Variants in CSMD1 observed in about 807,000 individuals in gnomAD.
CSMD1 encodes the protein CUB and Sushi multiple domains 1.
Under a neutral mutation model 417.5 loss-of-function variants are expected in CSMD1, and 213 were observed. The ratio of observed to expected loss-of-function variants is 0.51; its 90% CI spans 0.46 to 0.57. CSMD1 has a LOEUF of 0.57. Among genes scored for constraint, CSMD1 ranks in the 20% least tolerant of loss-of-function variants. The probability of loss-of-function intolerance (pLI) is 0.00; values close to 1 mark genes in which losing one functional copy is unlikely to be tolerated. For synonymous variants in CSMD1, 2,862 were observed against 1,736.8 expected, an observed-to-expected ratio of 1.65 and a Z score of -16.11; for missense variants, 6,923 against 4,529.7, an observed-to-expected ratio of 1.53 and a Z score of -15.17.
At chr8:3,089,253 G>A (rs1482322025) in intron 48 of CSMD1, among the ~76,000 whole-genome samples, 2 of 152,252 alleles carry the variant, frequency 1.3e-5, no homozygotes, top group African/African-American at 2.4e-5. Context: ...CCAGGTGAGA[G>A]AAGACTGGGA....
At chr8:4,760,290 T>C (rs867818923) in intron 1 of CSMD1, among the ~76,000 whole-genome samples, 3 of 152,356 alleles carry the variant, frequency 2.0e-5, no homozygotes, top group South Asian at 2.1e-4. Flanking sequence ...CTTTGGCATG[T>C]GAAGATAATT....
At chr8:3,995,751 C>A (rs1158754129) in intron 5 of CSMD1, among the ~76,000 whole-genome samples, 1 of 152,198 alleles carries the variant, frequency 6.6e-6, no homozygotes, top group Admixed American at 6.5e-5. Flanking sequence ...CAATATAAGT[C>A]ATCCCAAGAA....
intron 5 of CSMD1, among the ~76,000 whole-genome samples, chr8:3,954,287 T>TGC (rs1811781816): frequency 6.6e-6 from 1 of 152,094 alleles, no homozygotes; most frequent in African/African-American, 2.4e-5. Context: ...GAAAGGAAGG[T>TGC]GCGCTTGGGA....
intron 5 of CSMD1, among the ~76,000 whole-genome samples, chr8:3,877,771 G>A (rs748441189): frequency 9.2e-5 from 14 of 152,128 alleles, no homozygotes; most frequent in Non-Finnish European, 1.3e-4. Flanking sequence ...TAAATCTAGC[G>A]TTAGCATGGC....
At chr8:4,399,008 G>A (rs1007887854) in intron 3 of CSMD1, among the ~76,000 whole-genome samples, 1 of 152,160 alleles carries the variant, frequency 6.6e-6, no homozygotes, top group Admixed American at 6.5e-5. Flanking sequence ...CACCTAATAT[G>A]TACACAGCTT....
At chr8:3,104,991 C>G (rs1585360399) in intron 46 of CSMD1, among the ~76,000 whole-genome samples, 1 of 152,334 alleles carries the variant, frequency 6.6e-6, no homozygotes, top group East Asian at 1.9e-4. Flanking sequence ...CAGGCGTGCG[C>G]CACCGCGCCC....
chr8:4,456,481 T>C (rs1038627347), intron 2 of CSMD1, among the ~76,000 whole-genome samples: 1 of 152,172 alleles, frequency 6.6e-6, no homozygotes, highest in African/African-American at 2.4e-5. Context: ...AGACAGGGAA[T>C]AGTCTTTGGA....
intron 26 of CSMD1, among the ~76,000 whole-genome samples, chr8:3,283,241 C>A (rs9650473): frequency 6.6e-6 from 1 of 151,816 alleles, no homozygotes; most frequent in African/African-American, 2.4e-5. Context: ...AGAATCAAAG[C>A]GTGTTTGATT....
chr8:4,369,791 C>G (rs2128912228), intron 3 of CSMD1, among the ~76,000 whole-genome samples: 1 of 152,220 alleles, frequency 6.6e-6, no homozygotes, highest in Non-Finnish European at 1.5e-5. Flanking sequence ...CCTGATAGAT[C>G]TTTATCCATC....
Position 3,935,322 on chromosome 8 carries a change from A to G in CSMD1, c.818+62581T>C, listed in dbSNP as rs547063923. Among the ~76,000 whole-genome samples, 17 of 152,340 alleles carry G rather than the reference A, an allele frequency of 1.1e-4. No individual in the cohort carries two copies. In the East Asian group the frequency reaches 2.5e-3, roughly 22 times the overall value. ...CCATATCAGCATGAAACACTTATAT[A>G]TATTAGTGATACTTGGTTGTTTCAC... On this transcript the variant is annotated intron_variant, in intron 5 of 69. Transcript: ENST00000635120.
intron 2 of CSMD1, among the ~76,000 whole-genome samples, chr8:4,444,563 G>A (rs146623206): frequency 1.3e-5 from 2 of 151,938 alleles, no homozygotes; most frequent in African/African-American, 4.8e-5. Context: ...GGTTTTCTAA[G>A]AATTAAAGCA....
chr8:3,915,405 C>CAGAAAAAAAAAAAAAAAAAAAAAAAAA (rs1554484704), intron 5 of CSMD1, among the ~76,000 whole-genome samples: 1 of 76,294 alleles, frequency 1.3e-5, no homozygotes, highest in Non-Finnish European at 2.6e-5. Context: ...GACTCTGTCT[C>CAGAAAAAAAAAAAAAAAAAAAAAAAAA]AAAAAAAAAA....
chr8:2,949,446 C>T (rs1182593251), intron 67 of CSMD1, 60 bp from the exon 68 acceptor site: 16 of 815,518 alleles, frequency 2.0e-5, no homozygotes, highest in Non-Finnish European at 2.9e-5. Flanking sequence ...TGAATAATAT[C>T]CTCTTTTAAT....
chr8:3,176,797 G>A (rs1423129633), intron 37 of CSMD1, among the ~76,000 whole-genome samples: 1 of 113,354 alleles, frequency 8.8e-6, no homozygotes, highest in African/African-American at 3.3e-5. Flanking sequence ...TTTTTTTCTT[G>A]AGACAGGGTC....
At chr8:4,033,079 G>C (rs963259424) in intron 3 of CSMD1, among the ~76,000 whole-genome samples, 3 of 128,118 alleles carry the variant, frequency 2.3e-5, no homozygotes, top group Admixed American at 9.3e-5. Context: ...CCTCTCTATT[G>C]ATTCCATGTC....
chr8:3,668,652 A>G (rs1563252897), intron 7 of CSMD1, among the ~76,000 whole-genome samples: 2 of 152,068 alleles, frequency 1.3e-5, no homozygotes, highest in Non-Finnish European at 2.9e-5. Flanking sequence ...TGTGCAATAT[A>G]GAAGCTCAGT....
chr8:3,703,238 C>T (rs4875774), intron 7 of CSMD1, among the ~76,000 whole-genome samples: 38,876 of 152,064 alleles, frequency 0.26, 6,091 homozygotes, highest in Admixed American at 0.41. Context: ...AGACTACAGT[C>T]GCGCTGCCCT....
In CSMD1 at chr8:4,040,257, T is replaced by G. The variant is rs1797818029; in HGVS notation, c.416-8158A>C. On this transcript the variant is annotated intron_variant, in intron 3 of 69. Transcript: ENST00000635120. ...CTTCATTATTTCTGCCTTATCATAA[T>G]AACCGGAAATACTTGCACAACACAC... Among the ~76,000 whole-genome samples the G allele has an allele frequency of 2.6e-5, 4 of 152,242 alleles. No homozygotes were observed. In the South Asian group the frequency reaches 8.3e-4, roughly 32 times the overall value.
intron 3 of CSMD1, among the ~76,000 whole-genome samples, chr8:4,072,224 G>A (rs535190113): frequency 2.2e-4 from 34 of 152,258 alleles, no homozygotes; most frequent in African/African-American, 7.9e-4. Context: ...TTCATCCACA[G>A]TTGCAAGTGA....
Sources: allele counts gnomAD v4.1 joint callset (sites outside exome capture counted in the v4.1 genomes callset), GRCh38; gene constraint gnomAD v4.1.1; transcripts MANE v1.5; gene names NCBI Gene and HGNC (gene_info 2026-07-23, HGNC 2026-07-21).